The following TBC1D4 variants were observed in gnomAD, a reference collection of about 807,000 sequenced individuals.
TBC1D4 encodes the protein TBC1 domain family member 4.
In TBC1D4, 121 loss-of-function variants were observed where a neutral mutation model predicts 142.5. The observed-to-expected ratio is 0.85, with a 90% confidence interval of 0.73 to 0.99. The LOEUF is 0.99. Among genes scored for constraint, TBC1D4 ranks in the 50% least tolerant of loss-of-function variants. TBC1D4 has a pLI of 0.00. For missense variants in TBC1D4, 1,475 were observed against 1,606.6 expected, an observed-to-expected ratio of 0.92 and a Z score of 1.40; for synonymous variants, 630 against 628.2, an observed-to-expected ratio of 1.00 and a Z score of -0.04.
At chr13:75,448,577 A>AG (rs1343055230) in intron 1 of TBC1D4, among the ~76,000 whole-genome samples, 1 of 151,578 alleles carries the variant, frequency 6.6e-6, no homozygotes, top group African/African-American at 2.4e-5. Context: ...TCAAAAAAAA[A>AG]AAAAAACAAT....
chr13:75,306,248 C>CA (rs33992075), intron 15 of TBC1D4, 65 bp downstream of exon 15: 669 of 1,278,592 alleles, frequency 5.2e-4, no homozygotes, highest in African/African-American at 2.9e-3. Context: ...ACAAATCAAA[C>CA]AAAAAAAAAA....
At chr13:75,449,636 A>G (rs1268719205) in intron 1 of TBC1D4, among the ~76,000 whole-genome samples, 2 of 150,418 alleles carry the variant, frequency 1.3e-5, no homozygotes, top group Non-Finnish European at 2.9e-5. Flanking sequence ...CCTAGGCTAC[A>G]GTGCAGTGGT....
At position 75,478,559 on chromosome 13, in the gene TBC1D4, C is replaced by G. The variant is rs1888709807; in HGVS notation, c.498+2711G>C. Among the ~76,000 whole-genome samples, 3 of 152,276 alleles carry G rather than the reference C, an allele frequency of 2.0e-5. No individual in the cohort carries two copies. In the South Asian group the frequency reaches 6.2e-4, roughly 32 times the overall value. ...ATCTTAAGTCCAAATAAATAATTCT[C>G]CACTTCAAATATAGAACTCAGAACA... On this transcript the variant is annotated intron_variant, in intron 1 of 20. Coordinates refer to ENST00000377636, the MANE Select transcript of TBC1D4 (RefSeq NM_014832.5).
chr13:75,329,513 T>C (rs1268205502), intron 8 of TBC1D4, among the ~76,000 whole-genome samples: 1 of 151,432 alleles, frequency 6.6e-6, no homozygotes, highest in Non-Finnish European at 1.5e-5. Context: ...AATCTGGACA[T>C]GTTACAATAT....
At chr13:75,449,548 C>CACACAT (rs1003244571) in intron 1 of TBC1D4, among the ~76,000 whole-genome samples, 8 of 151,106 alleles carry the variant, frequency 5.3e-5, no homozygotes, top group African/African-American at 1.9e-4. Flanking sequence ...CACACACACA[C>CACACAT]ACACACAGAC....
intron 1 of TBC1D4, among the ~76,000 whole-genome samples, chr13:75,456,976 CA>C (rs376892958): frequency 1.3e-3 from 196 of 152,096 alleles, no homozygotes; most frequent in African/African-American, 4.1e-3. Context: ...CTGTATGCAA[CA>C]CCAGGAATAT....
At chr13:75,477,438 A>C (rs1888667734) in intron 1 of TBC1D4, among the ~76,000 whole-genome samples, 1 of 152,222 alleles carries the variant, frequency 6.6e-6, no homozygotes, top group Non-Finnish European at 1.5e-5. Context: ...TGCAAGCTTC[A>C]GTAAATAATA....
chr13:75,424,635 A>C (rs1886306106), intron 1 of TBC1D4, among the ~76,000 whole-genome samples: 1 of 152,228 alleles, frequency 6.6e-6, no homozygotes, highest in Non-Finnish European at 1.5e-5. Context: ...TATAGTAATC[A>C]AAATAGCATG....
chr13:75,300,339 CA>C (rs1219237480), intron 16 of TBC1D4, among the ~76,000 whole-genome samples: 6 of 152,060 alleles, frequency 3.9e-5, no homozygotes, highest in African/African-American at 1.4e-4. Flanking sequence ...GTTCTATACA[CA>C]GAAACAAATC....
At chr13:75,457,069 G>C (rs187683187) in intron 1 of TBC1D4, among the ~76,000 whole-genome samples, 1 of 152,072 alleles carries the variant, frequency 6.6e-6, no homozygotes, top group East Asian at 1.9e-4. Context: ...TAAAGTTCAG[G>C]CACAAGCAAA....
rs9573543 is a variant in TBC1D4, at chr13:75,454,622, T to C, written c.498+26648A>G. On this transcript the variant is annotated intron_variant, in intron 1 of 20. Transcript: ENST00000377636. ...TTATTCAGTTTCTGCAGAAAACATATAGAAACTGCTAGACTTTATTAAGCA... is the reference window on the plus strand; with the variant it reads ...TTATTCAGTTTCTGCAGAAAACATACAGAAACTGCTAGACTTTATTAAGCA... Among the ~76,000 whole-genome samples, 897 of 152,324 alleles carry C rather than the reference T, an allele frequency of 5.9e-3. 29 individuals are homozygous for C. In the East Asian group the frequency reaches 0.071, roughly 12 times the overall value.
At chr13:75,305,345 T>C (rs964546746) in intron 15 of TBC1D4, among the ~76,000 whole-genome samples, 5 of 152,188 alleles carry the variant, frequency 3.3e-5, no homozygotes, top group Non-Finnish European at 7.3e-5. Flanking sequence ...AAGTTTAAAC[T>C]GTATCCAATA....
At chr13:75,426,931 C>T (rs1251988926) in intron 1 of TBC1D4, among the ~76,000 whole-genome samples, 4 of 151,546 alleles carry the variant, frequency 2.6e-5, no homozygotes, top group Non-Finnish European at 5.9e-5. Flanking sequence ...TGCCTGTAGT[C>T]CCAGCTACTC....
At chr13:75,335,897 T>C (rs985996061) in intron 8 of TBC1D4, among the ~76,000 whole-genome samples, 4 of 152,188 alleles carry the variant, frequency 2.6e-5, no homozygotes, top group Admixed American at 2.0e-4. Flanking sequence ...TTTATAGCAA[T>C]GCGAAAATGA....
intron 1 of TBC1D4, among the ~76,000 whole-genome samples, chr13:75,380,813 T>C (rs995282018): frequency 6.6e-6 from 1 of 152,116 alleles, no homozygotes; most frequent in Admixed American, 6.5e-5. Flanking sequence ...ATCATCACCA[T>C]CCAAATGAAC....
intron 1 of TBC1D4, among the ~76,000 whole-genome samples, chr13:75,471,473 C>A (rs1014501996): frequency 1.3e-5 from 2 of 152,198 alleles, no homozygotes; most frequent in African/African-American, 4.8e-5. Context: ...CCGGGTGGCT[C>A]AAGCCTATAA....
intron 14 of TBC1D4, among the ~76,000 whole-genome samples, chr13:75,309,710 T>C (rs1877544920): frequency 6.6e-6 from 1 of 152,224 alleles, no homozygotes; most frequent in Non-Finnish European, 1.5e-5. Flanking sequence ...TAAATCTATT[T>C]AAAATGCAAA....
intron 13 of TBC1D4, among the ~76,000 whole-genome samples, chr13:75,310,875 T>G (rs1480480810): frequency 6.6e-6 from 1 of 152,136 alleles, no homozygotes; most frequent in Non-Finnish European, 1.5e-5. Flanking sequence ...AATGTTTAGA[T>G]CCCGCTTATA....
At chr13:75,452,440 T>C (rs773913622) in intron 1 of TBC1D4, among the ~76,000 whole-genome samples, 1 of 152,212 alleles carries the variant, frequency 6.6e-6, no homozygotes, top group Non-Finnish European at 1.5e-5. Flanking sequence ...AAACTTGTCA[T>C]ATTGGTTGAC....
Sources: gnomAD v4.1 joint callset for allele counts (sites outside exome capture counted in the v4.1 genomes callset) on GRCh38, gnomAD v4.1.1 for gene constraint, MANE v1.5 for transcripts, NCBI Gene and HGNC (gene_info 2026-07-23, HGNC 2026-07-21) for gene names.